The following FOXP1 variants were observed in gnomAD, a reference collection of about 807,000 sequenced individuals.
FOXP1 encodes forkhead box P1, also known as forkhead box protein P1.
In FOXP1, 15 loss-of-function variants were observed where a neutral mutation model predicts 98.2. That is an observed-to-expected ratio of 0.15 (90% CI 0.10 to 0.24). The LOEUF is 0.24. Among genes scored for constraint, FOXP1 ranks in the 10% least tolerant of loss-of-function variants. The pLI, the probability that FOXP1 is intolerant of heterozygous loss-of-function variation, is 1.00. For synonymous variants in FOXP1, 371 were observed against 314.5 expected, an observed-to-expected ratio of 1.18 and a Z score of -1.90; for missense variants, 633 against 848.5, an observed-to-expected ratio of 0.75 and a Z score of 3.15.
chr3:71,054,528 T>C (rs1384733765), intron 7 of FOXP1, among the ~76,000 whole-genome samples: 1 of 152,222 alleles, frequency 6.6e-6, no homozygotes, highest in Non-Finnish European at 1.5e-5. Context: ...GATAAAACAC[T>C]GACATTAAAA....
chr3:71,176,923 T>C (rs187645639), intron 6 of FOXP1, among the ~76,000 whole-genome samples: 1 of 150,918 alleles, frequency 6.6e-6, no homozygotes, highest in African/African-American at 2.4e-5. Flanking sequence ...ATTAGCCGGG[T>C]GTGGTGGTGG....
chr3:71,561,979 C>T (rs569213154), intron 2 of FOXP1, among the ~76,000 whole-genome samples: 5 of 152,222 alleles, frequency 3.3e-5, no homozygotes, highest in African/African-American at 9.6e-5. Flanking sequence ...TGATTCTAGA[C>T]CACTACAAAG....
intron 4 of FOXP1, among the ~76,000 whole-genome samples, chr3:71,349,647 A>G (rs1169235979): frequency 6.6e-6 from 1 of 152,224 alleles, no homozygotes; most frequent in Admixed American, 6.5e-5. Context: ...AAAATAAAAA[A>G]AAAAATTCCA....
intron 5 of FOXP1, among the ~76,000 whole-genome samples, chr3:71,241,904 T>C (rs530127062): frequency 1.3e-5 from 2 of 152,322 alleles, no homozygotes; most frequent in East Asian, 3.9e-4. Flanking sequence ...TAAACAAATA[T>C]ATGTTTTAGA....
intron 6 of FOXP1, among the ~76,000 whole-genome samples, chr3:71,136,887 T>C (rs2059845522): frequency 6.6e-6 from 1 of 152,214 alleles, no homozygotes. Flanking sequence ...TCCCTTTAAA[T>C]GGCAGAACAT....
chr3:71,246,535 T>A (rs1193642354), intron 5 of FOXP1, among the ~76,000 whole-genome samples: 1 of 152,160 alleles, frequency 6.6e-6, no homozygotes, highest in Admixed American at 6.5e-5. Context: ...ATCCATATCG[T>A]ACAGAAACCT....
At chr3:70,983,820 A>AGTC (rs750957415) in intron 14 of FOXP1, among the ~76,000 whole-genome samples, 7 of 152,238 alleles carry the variant, frequency 4.6e-5, no homozygotes, top group Non-Finnish European at 7.3e-5. Flanking sequence ...AATTTAATAA[A>AGTC]GTCATCATAT....
intron 6 of FOXP1, among the ~76,000 whole-genome samples, chr3:71,170,443 G>A (rs1204192458): frequency 6.6e-6 from 1 of 152,164 alleles, no homozygotes; most frequent in South Asian, 2.1e-4. Flanking sequence ...GGCTGTGCTG[G>A]CCTCTTTTAC....
intron 2 of FOXP1, among the ~76,000 whole-genome samples, chr3:71,561,101 G>A (rs923141418): frequency 3.3e-5 from 5 of 152,128 alleles, no homozygotes; most frequent in African/African-American, 1.2e-4. Flanking sequence ...CTGTCACCCA[G>A]GCTGGATTGT....
At chr3:71,277,537 C>T (rs924784291) in intron 5 of FOXP1, among the ~76,000 whole-genome samples, 8 of 152,130 alleles carry the variant, frequency 5.3e-5, no homozygotes, top group Non-Finnish European at 8.8e-5. Context: ...GCATGCTCTA[C>T]AATAGCCTCT....
chr3:71,144,227 G>A (rs1433201712), intron 6 of FOXP1, among the ~76,000 whole-genome samples: 1 of 152,170 alleles, frequency 6.6e-6, no homozygotes, highest in Non-Finnish European at 1.5e-5. Flanking sequence ...GACAAAGGCT[G>A]AGTCCACCTC....
intron 5 of FOXP1, among the ~76,000 whole-genome samples, chr3:71,266,086 G>A (rs1522174): frequency 0.44 from 66,368 of 151,738 alleles, 14,985 homozygotes; most frequent in Middle Eastern, 0.55. Flanking sequence ...GCGCTGCAAA[G>A]ATGGATGAAG....
intron 5 of FOXP1, chr3:71,244,965 AAAAAAAGG>A (rs1377869141): frequency 6.6e-6 from 1 of 151,882 alleles, no homozygotes; most frequent in Non-Finnish European, 1.5e-5. Flanking sequence ...GGGGGAAAAA[AAAAAAAGG>A]AAAAAAGAAA....
chr3:71,208,973 G>A (rs531149492), intron 5 of FOXP1, among the ~76,000 whole-genome samples: 2 of 152,230 alleles, frequency 1.3e-5, no homozygotes, highest in South Asian at 4.2e-4. Flanking sequence ...AAGCCTGCTT[G>A]TTTGCACAAT....
intron 2 of FOXP1, among the ~76,000 whole-genome samples, chr3:71,530,873 A>C (rs1079409): frequency 0.62 from 93,918 of 151,830 alleles, 30,497 homozygotes; most frequent in Non-Finnish European, 0.67. Context: ...GAAGAAAACT[A>C]CCCCCCAACC....
intron 7 of FOXP1, among the ~76,000 whole-genome samples, chr3:71,074,021 G>A (rs960737863): frequency 1.3e-5 from 2 of 152,174 alleles, no homozygotes; most frequent in African/African-American, 4.8e-5. Flanking sequence ...CTGTGACCCT[G>A]GCACAGGATT....
chr3:71,542,214 C>T (rs1453806704), intron 2 of FOXP1: 2 of 370,398 alleles, frequency 5.4e-6, no homozygotes, highest in Non-Finnish European at 1.1e-5. Flanking sequence ...TTTTACAATA[C>T]CTGCAGGAAT....
chr3:71,417,971 T>C (rs1283011031), intron 3 of FOXP1, among the ~76,000 whole-genome samples: 1 of 147,774 alleles, frequency 6.8e-6, no homozygotes, highest in Non-Finnish European at 1.5e-5. Context: ...ACTGTTATCC[T>C]AGTTTTTTTT....
rs543684892 is a variant in FOXP1 at position 71,070,899 on chromosome 3, G to A, written c.283-17126C>T. ...CACTCTTGACAGCGCTTTAGATGCC[G>A]AGTAAATGGTCTTATAAAGAACACC... On this transcript the variant is annotated intron_variant, in intron 7 of 20. Coordinates refer to ENST00000649528, the MANE Select transcript of FOXP1 (RefSeq NM_001349338.3). Among the ~76,000 whole-genome samples, 466 of 152,274 alleles carry A rather than the reference G, an allele frequency of 3.1e-3. 4 individuals carry two copies. The highest frequency in any genetic ancestry group is 3.6e-3 in the Non-Finnish European group (245 of 68,024).
Sources: allele counts gnomAD v4.1 joint callset (sites outside exome capture counted in the v4.1 genomes callset), GRCh38; gene constraint gnomAD v4.1.1; transcripts MANE v1.5; gene names NCBI Gene and HGNC (gene_info 2026-07-23, HGNC 2026-07-21).